TRPC6: variants seen among roughly 807,000 people sequenced by gnomAD.
TRPC6 encodes short transient receptor potential channel 6.
A neutral mutation model predicts 90.7 loss-of-function variants in TRPC6; 55 were observed. The observed-to-expected ratio is 0.61, with a 90% CI of 0.49 to 0.76. TRPC6 has a LOEUF of 0.76. Among genes scored for constraint, TRPC6 ranks in the 30% least tolerant of loss-of-function variants. The pLI is 0.00. For synonymous variants in TRPC6, 393 were observed against 393.0 expected (o/e 1.00, Z 0.00); for missense variants, 989 against 1,122.7 (o/e 0.88, Z 1.70).
chr11:101,539,505 C>T (rs1460425430), intron 1 of TRPC6, among the ~76,000 whole-genome samples: 2 of 152,168 alleles, frequency 1.3e-5, no homozygotes, highest in South Asian at 2.1e-4. Context: ...GCCTCATCAA[C>T]GTTCATTTTG....
rs541383617 is a variant in TRPC6 at position 101,504,775 on chromosome 11, G to T, written c.194C>A (p.Ala65Asp). The change falls in exon 2 of 13, where the codon GCT (alanine) becomes GAT (aspartate). Residue 65 changes from alanine (A) to aspartate (D), a missense_variant. This residue lies in a region of TRPC6 where 194 missense variants were observed against 136.5 expected (regional missense o/e 1.42). Transcript: ENST00000344327. The stretch of plus-strand genomic sequence containing the variant: ...ACGGAGAACTGTCTGCCGCCGGTGA[G>T]CCAGTCTGTTGTCAGATCCCCGGCT... ...PCFRGSDNRL[A>D]HRRQTVLREK... is the part of the protein sequence containing the mutation. The T allele has an allele frequency of 6.2e-7, 1 of 1,610,684 alleles. No homozygotes were observed. The highest frequency in any genetic ancestry group is 1.3e-5 in the African/African-American group (1 of 74,862).
Position 101,492,250 on chromosome 11 carries a change from A to G in TRPC6, c.946-512T>C, listed in dbSNP as rs544052055. Among the ~76,000 whole-genome samples, 19 of 152,170 alleles carry G rather than the reference A, an allele frequency of 1.2e-4. No individual in the cohort carries two copies. The South Asian group carries it at 3.1e-3, about 25-fold the overall frequency. ...CATGAAGATTTTCTTCATACCCTCA[A>G]AAAGGAAATTTATCTAAAGCATAAT... On this transcript the variant is annotated intron_variant, in intron 2 of 12. Transcript: ENST00000344327.
intron 1 of TRPC6, among the ~76,000 whole-genome samples, chr11:101,513,379 C>G (rs1565225133): frequency 1.3e-5 from 2 of 152,134 alleles, no homozygotes; most frequent in South Asian, 2.1e-4. Flanking sequence ...AGCATATGCT[C>G]TAGATACAAT....
At chr11:101,534,668 T>G (rs921700826) in intron 1 of TRPC6, among the ~76,000 whole-genome samples, 8 of 151,938 alleles carry the variant, frequency 5.3e-5, no homozygotes, top group African/African-American at 1.9e-4. Flanking sequence ...AAAGACTAAA[T>G]AACAACTGAT....
rs1243075084 is a variant in TRPC6, at chr11:101,501,291, G to A, written c.945+2733C>T. On this transcript the variant is annotated intron_variant, in intron 2 of 12. Coordinates refer to ENST00000344327, the MANE Select transcript of TRPC6 (RefSeq NM_004621.6). Reference sequence around the variant, plus strand: ...TTAAAAAAAAAGACTGAAAGGATATGTGCTAGCATGTTGGTAGTGTATCAG... The same window carrying A: ...TTAAAAAAAAAGACTGAAAGGATATATGCTAGCATGTTGGTAGTGTATCAG... 4.0e-5 allele frequency among the ~76,000 whole-genome samples: 6 copies of A among 151,554 alleles called. No homozygotes were observed. In the East Asian group the frequency reaches 1.2e-3, roughly 29 times the overall value.
intron 1 of TRPC6, among the ~76,000 whole-genome samples, chr11:101,526,895 A>T (rs943255550): frequency 1.0e-4 from 15 of 149,438 alleles, no homozygotes; most frequent in African/African-American, 3.5e-4. Flanking sequence ...AAAAAAAAAA[A>T]AAATTAAATA....
chr11:101,468,352 G>A (rs1242009448), intron 10 of TRPC6, among the ~76,000 whole-genome samples: 2 of 152,074 alleles, frequency 1.3e-5, no homozygotes, highest in Admixed American at 1.3e-4. Flanking sequence ...TGGAAGGGAT[G>A]GTTAGAAAGG....
At chr11:101,503,164 A>G (rs1860172046) in intron 2 of TRPC6, among the ~76,000 whole-genome samples, 1 of 152,132 alleles carries the variant, frequency 6.6e-6, no homozygotes, top group African/African-American at 2.4e-5. Context: ...TGTGGGGAAG[A>G]TCTTAGCTAG....
chr11:101,477,670 T>G (rs1289211183), intron 5 of TRPC6, among the ~76,000 whole-genome samples: 5 of 152,226 alleles, frequency 3.3e-5, no homozygotes, highest in Non-Finnish European at 7.3e-5. Context: ...GATAAGGTAT[T>G]TAAACTATCT....
intron 1 of TRPC6, among the ~76,000 whole-genome samples, chr11:101,514,405 C>T (rs1435688543): frequency 6.6e-6 from 1 of 152,148 alleles, no homozygotes. Context: ...CTTCTGAGGA[C>T]ATGTCACTTA....
At chr11:101,455,302 T>G (rs1314483343) in intron 10 of TRPC6, 1 of 522,722 alleles carries the variant, frequency 1.9e-6, no homozygotes, top group African/African-American at 1.9e-5. Context: ...AATGGCTGTT[T>G]GTTAGAGGTT....
At chr11:101,483,307 G>C (rs1859597448) in intron 4 of TRPC6, 142 bp from the exon 5 acceptor site, 2 of 1,073,392 alleles carry the variant, frequency 1.9e-6, no homozygotes, top group Admixed American at 4.0e-5. Flanking sequence ...ATTCGTGATA[G>C]AGTAATATCT....
intron 10 of TRPC6, among the ~76,000 whole-genome samples, chr11:101,464,624 T>C (rs1859098720): frequency 6.6e-6 from 1 of 152,124 alleles, no homozygotes; most frequent in South Asian, 2.1e-4. Flanking sequence ...GCTTTTTTTT[T>C]CTTGCTTTCC....
intron 4 of TRPC6, among the ~76,000 whole-genome samples, chr11:101,486,289 C>T (rs1859678196): frequency 6.6e-6 from 1 of 151,862 alleles, no homozygotes; most frequent in South Asian, 2.1e-4. Flanking sequence ...GTAAAATTTG[C>T]CATCTATATA....
chr11:101,469,473 A>C lies in TRPC6; in HGVS notation c.2438T>G (p.Leu813Ter), dbSNP rs758651358. ...KINEEKKLGI[L>*]GSHEDLSKLS... The stretch of plus-strand genomic sequence containing the variant: ...TTTTGAAAGGTCTTCATGACTTCCT[A>C]AAATTCCAAGTTTCTTTTCTTCATT... Residue 813 changes from leucine to a stop codon, truncating the protein, a stop_gained, in exon 10 of 13, where the codon TTA (leucine) becomes TGA (stop). Coordinates refer to ENST00000344327, the MANE Select transcript of TRPC6 (RefSeq NM_004621.6). LOFTEE classifies it high-confidence loss of function. The C allele has an allele frequency of 1.3e-6, 1 of 771,190 alleles. No homozygotes were observed. The highest frequency in any genetic ancestry group is 2.4e-6 in the Non-Finnish European group (1 of 412,980). 47.8% of individuals were successfully genotyped at this position (771,190 alleles called of 1,614,324 possible). A position where few individuals can be genotyped will look rare whatever the true frequency, so the allele number is the denominator to read the frequency against.
intron 1 of TRPC6, among the ~76,000 whole-genome samples, chr11:101,577,708 A>C (rs1490914733): frequency 6.6e-6 from 1 of 151,988 alleles, no homozygotes; most frequent in East Asian, 1.9e-4. Context: ...TCCCCAGGAG[A>C]CTCCATAAAT....
intron 1 of TRPC6, among the ~76,000 whole-genome samples, chr11:101,533,032 C>T (rs576803883): frequency 1.3e-5 from 2 of 152,054 alleles, no homozygotes; most frequent in East Asian, 1.9e-4. Flanking sequence ...AGCCACAAAC[C>T]GAGAAGGTCA....
intron 1 of TRPC6, among the ~76,000 whole-genome samples, chr11:101,543,885 C>T (rs796125104): frequency 5.3e-5 from 8 of 152,122 alleles, no homozygotes; most frequent in South Asian, 2.1e-4. Flanking sequence ...AACACAAATG[C>T]GATCTAATTA....
chr11:101,566,940 G>A (rs1305780549), intron 1 of TRPC6, among the ~76,000 whole-genome samples: 1 of 152,128 alleles, frequency 6.6e-6, no homozygotes. Flanking sequence ...CACAAAACTG[G>A]GTGGCCCTTG....
Sources: allele counts gnomAD v4.1 joint callset (sites outside exome capture counted in the v4.1 genomes callset), GRCh38; gene constraint gnomAD v4.1.1; regional missense constraint gnomAD v4.1.1; transcripts MANE v1.5; gene names NCBI Gene and HGNC (gene_info 2026-07-23, HGNC 2026-07-21).